EHMT1: variants seen among roughly 807,000 people sequenced by gnomAD.
The protein encoded by EHMT1 is euchromatic histone lysine methyltransferase 1.
A neutral mutation model predicts 147.2 loss-of-function variants in EHMT1; 15 were observed. The ratio of observed to expected loss-of-function variants is 0.10; its 90% CI spans 0.07 to 0.16. The LOEUF (loss-of-function observed/expected upper bound fraction) is 0.16, where lower values mean the gene tolerates loss of function less well. Ranked by LOEUF, EHMT1 falls within the 10% of genes least tolerant of loss-of-function variation. EHMT1 has a pLI of 1.00. For synonymous variants in EHMT1, 795 were observed against 709.6 expected, an observed-to-expected ratio of 1.12 and a Z score of -1.91; for missense variants, 1,587 against 1,772.4, an observed-to-expected ratio of 0.90 and a Z score of 1.88.
intron 1 of EHMT1, among the ~76,000 whole-genome samples, chr9:137,631,577 C>T (rs1589045293): frequency 2.6e-5 from 4 of 151,830 alleles, no homozygotes; most frequent in South Asian, 4.2e-4. Context: ...AAGGTGGTCC[C>T]CTAAGATTAG....
chr9:137,724,321 C>T (rs1041406639), intron 3 of EHMT1, among the ~76,000 whole-genome samples: 4 of 152,172 alleles, frequency 2.6e-5, no homozygotes, highest in Admixed American at 6.5e-5. Flanking sequence ...AGGGGCCTCC[C>T]GCCCCCACAG....
intron 16 of EHMT1, among the ~76,000 whole-genome samples, chr9:137,795,573 C>T (rs139008405): frequency 0.022 from 3,346 of 152,222 alleles, 62 homozygotes; most frequent in Non-Finnish European, 0.034. Context: ...CACACAGACA[C>T]GGGAGGACGT....
chr9:137,710,961 T>C lies in EHMT1; in HGVS notation c.22-6T>C. On this transcript the variant is annotated splice_region_variant and splice_polypyrimidine_tract_variant and intron_variant, in intron 1 of 26. Transcript: ENST00000460843. ...CCGGCTGACGGCTGTTGTTTCTCTC[T>C]AACAGGCAGTTCCGGCGAGGGGGGA... 6.3e-7 allele frequency: 1 copy of C among 1,595,150 alleles called. No individual in the cohort carries two copies. The highest frequency in any genetic ancestry group is 8.5e-7 in the Non-Finnish European group (1 of 1,171,528).
chr9:137,715,524 G>A (rs1431008143), intron 2 of EHMT1: 1 of 984,812 alleles, frequency 1.0e-6, no homozygotes, highest in Admixed American at 6.1e-5. Context: ...GCACCAGGAA[G>A]AACAGAGCCA....
chr9:137,792,128 G>A (rs547421822), intron 16 of EHMT1: 1 of 470,192 alleles, frequency 2.1e-6, no homozygotes, highest in African/African-American at 2.0e-5. Flanking sequence ...TGAAAGAACA[G>A]AGTTGGAGAA....
At chr9:137,748,250 C>G (rs1160213161) in intron 6 of EHMT1, among the ~76,000 whole-genome samples, 1 of 152,140 alleles carries the variant, frequency 6.6e-6, no homozygotes, top group Non-Finnish European at 1.5e-5. Context: ...GAACATGTCT[C>G]AGCTTAAATT....
chr9:137,741,118 A>G (rs1453451306), intron 4 of EHMT1, among the ~76,000 whole-genome samples: 1 of 152,064 alleles, frequency 6.6e-6, no homozygotes, highest in African/African-American at 2.4e-5. Context: ...CTGGGACTAC[A>G]GGCGCCCGCC....
chr9:137,821,147 A>T (rs1955384370), intron 25 of EHMT1, among the ~76,000 whole-genome samples: 1 of 152,106 alleles, frequency 6.6e-6, no homozygotes, highest in Non-Finnish European at 1.5e-5. Flanking sequence ...AAGTGCTGGG[A>T]TTACAGGCGT....
At chr9:137,639,177 G>A (rs1328921) in intron 1 of EHMT1, among the ~76,000 whole-genome samples, 4,841 of 151,776 alleles carry the variant, frequency 0.032, 259 homozygotes, top group African/African-American at 0.11. Context: ...TGTAATTCCT[G>A]TATGGTCAGA....
chr9:137,771,307 C>T (rs892862702), intron 10 of EHMT1, among the ~76,000 whole-genome samples: 1 of 147,260 alleles, frequency 6.8e-6, no homozygotes, highest in Non-Finnish European at 1.5e-5. Context: ...TCAAGTAGTT[C>T]TTGTGCCTCA....
intron 1 of EHMT1, among the ~76,000 whole-genome samples, chr9:137,669,544 G>A (rs1186410456): frequency 1.8e-4 from 3 of 16,558 alleles, no homozygotes; most frequent in Admixed American, 7.5e-4. Flanking sequence ...CTCCCAAGAC[G>A]CCCCGCACAG....
intron 22 of EHMT1, 23 bp downstream of exon 22, chr9:137,814,531 G>T: frequency 6.2e-7 from 1 of 1,601,862 alleles, no homozygotes. Context: ...TCGTGTGCGT[G>T]GGCTCAGGTG....
intron 3 of EHMT1, among the ~76,000 whole-genome samples, chr9:137,717,626 A>AAGG (rs1554847272): frequency 7.1e-6 from 1 of 140,254 alleles, no homozygotes. Flanking sequence ...AAAAAAAAAA[A>AAGG]GAGATGCTGC....
chr9:137,644,277 T>C (rs1474290451), intron 1 of EHMT1, among the ~76,000 whole-genome samples: 1 of 151,830 alleles, frequency 6.6e-6, no homozygotes, highest in Non-Finnish European at 1.5e-5. Context: ...AAACTGGAAG[T>C]GTTTGGAAAC....
intron 1 of EHMT1, chr9:137,641,208 C>T: frequency 2.4e-6 from 1 of 416,160 alleles, no homozygotes; most frequent in Non-Finnish European, 4.8e-6. Context: ...CTGTCTGGTT[C>T]CTCAGGATGC....
rs1956509117 is a variant in EHMT1 at position 137,835,124 on chromosome 9, C to T, written c.*171C>T. The T allele has an allele frequency of 5.5e-6, 4 of 727,900 alleles. No homozygotes were observed. Among genetic ancestry groups the T allele is most frequent in the African/African-American group, 1.9e-5 (1 of 52,422 alleles). The allele number at this position is 727,900 out of a possible 1,614,324, so 45.1% of individuals were successfully genotyped here. On this transcript the variant is annotated 3_prime_UTR_variant, in exon 27 of 27. Coordinates refer to ENST00000460843, the MANE Select transcript of EHMT1 (RefSeq NM_024757.5). ...AGCCCCTGCGGGCGGGTGTGGATGC[C>T]TCCCAGCCACCTTCCCAGACCTGCG...
At position 137,799,039 on chromosome 9, in the gene EHMT1, G is replaced by A. The variant is rs1953210662; in HGVS notation, c.2607+125G>A. On this transcript the variant is annotated intron_variant, in intron 17 of 26. Coordinates refer to ENST00000460843, the MANE Select transcript of EHMT1 (RefSeq NM_024757.5). The stretch of plus-strand genomic sequence containing the variant: ...CCCTCCCACGCACAGAGCCAGCTCG[G>A]GCCCTCCAGCGTCCTCTTCCACACT... 51 of 813,268 alleles carry A rather than the reference G, an allele frequency of 6.3e-5. No individual in the cohort carries two copies. In the South Asian group the frequency reaches 6.9e-4, roughly 11 times the overall value. 50.4% of individuals were successfully genotyped at this position (813,268 alleles called of 1,614,324 possible).
In EHMT1 at chr9:137,814,469, C is replaced by T. The variant is rs745855742; in HGVS notation, c.3219C>T (p.Cys1073=). The change falls in exon 22 of 27, where the codon TGC becomes TGT. Residue 1073 remains cysteine (C), a synonymous_variant. Coordinates refer to ENST00000460843, the MANE Select transcript of EHMT1 (RefSeq NM_024757.5). The part of the protein sequence containing the change: ...VCIDDCSSSN[C]MCGQLSMRCW... ...TCGACGACTGCTCCTCCAGCAACTG[C>T]ATGTGCGGCCAGCTCAGCATGCGCT... 5.0e-6 allele frequency: 8 copies of T among 1,609,566 alleles called. No homozygotes were observed. In the South Asian group the frequency reaches 8.8e-5, roughly 18 times the overall value.
intron 1 of EHMT1, among the ~76,000 whole-genome samples, chr9:137,703,178 C>T (rs1564609219): frequency 6.6e-6 from 1 of 152,208 alleles, no homozygotes; most frequent in Non-Finnish European, 1.5e-5. Context: ...CTGGGTCTGG[C>T]CCACAAAACC....
Sources: gnomAD v4.1 joint callset for allele counts (sites outside exome capture counted in the v4.1 genomes callset) on GRCh38, gnomAD v4.1.1 for gene constraint, MANE v1.5 for transcripts, NCBI Gene and HGNC (gene_info 2026-07-23, HGNC 2026-07-21) for gene names.